ZDHHC21: variants seen among roughly 807,000 people sequenced by gnomAD.
ZDHHC21 encodes the protein palmitoyltransferase ZDHHC21.
ZDHHC21 carries 15 observed loss-of-function variants against 34.6 expected under a neutral mutation model. The ratio of observed to expected loss-of-function variants is 0.43; its 90% CI spans 0.29 to 0.67. The LOEUF (loss-of-function observed/expected upper bound fraction) is 0.67. Among genes scored for constraint, ZDHHC21 ranks in the 30% least tolerant of loss-of-function variants. ZDHHC21 has a pLI of 0.14. For missense variants in ZDHHC21, 344 were observed against 327.7 expected, an observed-to-expected ratio of 1.05 and a Z score of -0.38; for synonymous variants, 142 against 101.8, an observed-to-expected ratio of 1.40 and a Z score of -2.38.
chr9:14,659,957 G>A (rs891956764), intron 6 of ZDHHC21, among the ~76,000 whole-genome samples: 28 of 152,146 alleles, frequency 1.8e-4, no homozygotes, highest in African/African-American at 6.8e-4. Context: ...CTGTCCCCAG[G>A]AAGTTTGAGA....
rs537939599 is a variant in ZDHHC21 at position 14,682,716 on chromosome 9, C to A, written c.-175-2554G>T. 2.6e-5 allele frequency among the ~76,000 whole-genome samples: 4 copies of A among 152,328 alleles called. No homozygotes were observed. In the East Asian group the frequency reaches 7.7e-4, roughly 29 times the overall value. ...TAGACATCTACAGAACTCTCCACCT[C>A]AAATCAACAGAATATACACCCTTCT... On this transcript the variant is annotated intron_variant, in intron 2 of 9. Coordinates refer to ENST00000380916, the MANE Select transcript of ZDHHC21 (RefSeq NM_178566.6).
chr9:14,623,435 G>C (rs1825663422), intron 8 of ZDHHC21, among the ~76,000 whole-genome samples: 1 of 151,846 alleles, frequency 6.6e-6, no homozygotes, highest in African/African-American at 2.4e-5. Flanking sequence ...GGACTTAGGT[G>C]GGAGGTTTGC....
the ZDHHC21 span, among the ~76,000 whole-genome samples, chr9:14,605,532 T>A: frequency 6.6e-6 from 1 of 151,976 alleles, no homozygotes; most frequent in Non-Finnish European, 1.5e-5. Context: ...TAATCAGTCT[T>A]TATATGGATT....
At chr9:14,650,740 T>C (rs1423066437) in intron 7 of ZDHHC21, among the ~76,000 whole-genome samples, 1 of 151,986 alleles carries the variant, frequency 6.6e-6, no homozygotes, top group African/African-American at 2.4e-5. Flanking sequence ...GCAACACTAT[T>C]AGATATCAGC....
the ZDHHC21 span, among the ~76,000 whole-genome samples, chr9:14,599,771 G>A: frequency 2.0e-5 from 3 of 151,920 alleles, no homozygotes; most frequent in South Asian, 6.3e-4. Flanking sequence ...AGTGGGGGGA[G>A]GGGCGTCCAG....
intron 2 of ZDHHC21, among the ~76,000 whole-genome samples, chr9:14,686,101 G>A (rs1217236547): frequency 6.6e-6 from 1 of 151,930 alleles, no homozygotes; most frequent in East Asian, 1.9e-4. Flanking sequence ...ACTACCTAAT[G>A]TAAATGACGA....
At chr9:14,662,617 A>T (rs1028382982) in intron 5 of ZDHHC21, among the ~76,000 whole-genome samples, 2 of 152,240 alleles carry the variant, frequency 1.3e-5, no homozygotes, top group African/African-American at 4.8e-5. Context: ...CTGTGAGAAT[A>T]TAAGTAAAAT....
At chr9:14,681,730 G>GGT (rs34935934) in intron 2 of ZDHHC21, among the ~76,000 whole-genome samples, 3,041 of 148,530 alleles carry the variant, frequency 0.02, 38 homozygotes, top group African/African-American at 0.025. Context: ...TAAGGGGAAT[G>GGT]GTGTGTGTGT....
At chr9:14,659,264 T>C (rs1468462733) in intron 6 of ZDHHC21, among the ~76,000 whole-genome samples, 2 of 152,168 alleles carry the variant, frequency 1.3e-5, no homozygotes, top group East Asian at 3.9e-4. Flanking sequence ...CCTGCTTCCC[T>C]GTATTTTGCT....
In ZDHHC21 at chr9:14,618,685, T is replaced by A. The variant is rs1488115645; in HGVS notation, c.*281A>T. On this transcript the variant is annotated 3_prime_UTR_variant, in exon 10 of 10. Coordinates refer to ENST00000380916, the MANE Select transcript of ZDHHC21 (RefSeq NM_178566.6). ...AAATAAATTATGTACAATTATTTCATCCTAATCACTGCCTTTTGAGTTTAA... is the reference window on the plus strand; with the variant it reads ...AAATAAATTATGTACAATTATTTCAACCTAATCACTGCCTTTTGAGTTTAA... The A allele has an allele frequency of 4.9e-5, 13 of 267,920 alleles. No individual in the cohort carries two copies. The East Asian group carries it at 8.0e-4, about 16-fold the overall frequency. 16.6% of individuals were successfully genotyped at this position (267,920 alleles called of 1,614,324 possible).
At chr9:14,686,089 G>A (rs968194531) in intron 2 of ZDHHC21, among the ~76,000 whole-genome samples, 1 of 151,954 alleles carries the variant, frequency 6.6e-6, no homozygotes, top group African/African-American at 2.4e-5. Context: ...AGCATTATGA[G>A]AACTACCTAA....
At chr9:14,684,049 C>A (rs1046139770) in intron 2 of ZDHHC21, among the ~76,000 whole-genome samples, 1 of 152,118 alleles carries the variant, frequency 6.6e-6, no homozygotes, top group African/African-American at 2.4e-5. Context: ...AAGGGACGTA[C>A]CTCAAAATAA....
At position 14,618,927 on chromosome 9, in the gene ZDHHC21, C is replaced by T; in HGVS notation, c.*39G>A. On this transcript the variant is annotated 3_prime_UTR_variant, in exon 10 of 10. Transcript: ENST00000380916. ...TTATCATAAAACCTGTAACGCATTG[C>T]CAGCATGGAGGACCCATCTGTGCCC... is the stretch of plus-strand genomic sequence containing the variant. 1 of 1,535,482 alleles carries T rather than the reference C, an allele frequency of 6.5e-7. No homozygotes were observed. The highest frequency in any genetic ancestry group is 8.8e-7 in the Non-Finnish European group (1 of 1,140,350).
At chr9:14,619,729 T>C (rs73644810) in intron 8 of ZDHHC21, 47 bp from the exon 9 acceptor site, 1 of 1,003,998 alleles carries the variant, frequency 1.0e-6, no homozygotes. Flanking sequence ...AGTTATTAAG[T>C]CTTTATTCTG....
downstream of ZDHHC21, among the ~76,000 whole-genome samples, chr9:14,610,467 A>G (rs1823167768): frequency 6.6e-6 from 1 of 152,060 alleles, no homozygotes; most frequent in Admixed American, 6.6e-5. Flanking sequence ...TCACTAATCT[A>G]GAATATTTTT....
chr9:14,640,322 A>G lies in ZDHHC21; in HGVS notation c.505-310T>C, dbSNP rs576101237. 1.2e-3 allele frequency among the ~76,000 whole-genome samples: 176 copies of G among 150,744 alleles called. 1 individual carries two copies. The highest frequency in any genetic ancestry group is 3.9e-3 in the African/African-American group (162 of 41,364). ...CCTATTTTGGGGAAAAAAAAAAAAA[A>G]AAAGAAAGAAAGAAAAGAAAAACCC... On this transcript the variant is annotated intron_variant, in intron 7 of 9. Coordinates refer to ENST00000380916, the MANE Select transcript of ZDHHC21 (RefSeq NM_178566.6).
chr9:14,678,402 T>A (rs1231728585), intron 3 of ZDHHC21, among the ~76,000 whole-genome samples: 1 of 151,626 alleles, frequency 6.6e-6, no homozygotes, highest in Non-Finnish European at 1.5e-5. Context: ...GCATACAACA[T>A]AAATATATAA....
rs1237550121 is a variant in ZDHHC21, at chr9:14,612,782, CTGTTA to C, written c.*6179_*6183del. The C allele has an allele frequency of 6.6e-6, 1 of 150,568 alleles. No homozygotes were observed. The highest frequency in any genetic ancestry group is 1.9e-4 in the East Asian group (1 of 5,130). The allele number at this position is 150,568 out of a possible 1,614,324, so 9.3% of individuals were successfully genotyped here. ...CACATACATATATTTTAAAGGTGTTCTGTTATCTTTATTTGCAAAGTAGACAAATG... is the reference window on the plus strand; with the variant it reads ...CACATACATATATTTTAAAGGTGTTCTCTTTATTTGCAAAGTAGACAAATG... On this transcript the variant is annotated 3_prime_UTR_variant, in exon 10 of 10. Transcript: ENST00000380916.
chr9:14,665,849 C>T (rs866215415), intron 5 of ZDHHC21, among the ~76,000 whole-genome samples: 1,840 of 149,260 alleles, frequency 0.012, 21 homozygotes, highest in Middle Eastern at 0.034. Context: ...CTGAAGGAAG[C>T]GCTAAACATG....
Sources: allele counts gnomAD v4.1 joint callset (sites outside exome capture counted in the v4.1 genomes callset), GRCh38; gene constraint gnomAD v4.1.1; transcripts MANE v1.5; gene names NCBI Gene and HGNC (gene_info 2026-07-23, HGNC 2026-07-21).